The following CYP39A1 variants were observed in gnomAD, a reference collection of about 807,000 sequenced individuals.
The protein encoded by CYP39A1 is cytochrome P450 family 39 subfamily A member 1, also known as 24-hydroxycholesterol 7-alpha-hydroxylase.
Under a neutral mutation model 58.1 loss-of-function variants are expected in CYP39A1, and 49 were observed. That is an observed-to-expected ratio of 0.84 (90% CI 0.67 to 1.07). CYP39A1 has a LOEUF of 1.07. Ranked by LOEUF, CYP39A1 falls within the 50% of genes least tolerant of loss-of-function variation. The pLI, the probability that CYP39A1 is intolerant of heterozygous loss-of-function variation, is 0.00. For synonymous variants in CYP39A1, 209 were observed against 187.6 expected, an observed-to-expected ratio of 1.11 and a Z score of -0.93; for missense variants, 531 against 539.4, an observed-to-expected ratio of 0.98 and a Z score of 0.16.
At position 46,642,179 on chromosome 6, in the gene CYP39A1, A is replaced by G. The variant is rs1776379504; in HGVS notation, c.297T>C (p.Asn99=). ...KKVDFELAVQ[N]IVYRTASIPK... Reference sequence around the variant, plus strand: ...ATTCTTTACCTGTACGATAAACGATATTTTGCACTGCTAGTTCAAAATCTA... The same window carrying G: ...ATTCTTTACCTGTACGATAAACGATGTTTTGCACTGCTAGTTCAAAATCTA... Residue 99 remains asparagine (N), a synonymous_variant, in exon 2 of 12, where the codon AAT becomes AAC. Transcript: ENST00000275016. The G allele has an allele frequency of 6.2e-7, 1 of 1,612,702 alleles. No homozygotes were observed. The highest frequency in any genetic ancestry group is 8.5e-7 in the Non-Finnish European group (1 of 1,179,346).
Position 46,639,409 on chromosome 6 carries a change from C to A in CYP39A1, c.488+85G>T, listed in dbSNP as rs951575090. 13 of 1,280,012 alleles carry A rather than the reference C, an allele frequency of 1.0e-5. No homozygotes were observed. In the Admixed American group the frequency reaches 2.6e-4, roughly 26 times the overall value. The allele number at this position is 1,280,012 out of a possible 1,614,324, so 79.3% of individuals were successfully genotyped here. A position where few individuals can be genotyped will look rare whatever the true frequency, so the allele number is the denominator to read the frequency against. On this transcript the variant is annotated intron_variant, in intron 3 of 11. Coordinates refer to ENST00000275016, the MANE Select transcript of CYP39A1 (RefSeq NM_016593.5). ...AGGTAGATTTCATTAATCAACCTGA[C>A]AATGTTTGAAGTCCAATCTATAGGT...
chr6:46,640,713 C>G (rs1214557702), intron 2 of CYP39A1, among the ~76,000 whole-genome samples: 4 of 151,998 alleles, frequency 2.6e-5, no homozygotes, highest in Non-Finnish European at 5.9e-5. Flanking sequence ...TTAATCCCAT[C>G]ACTCAGGTAA....
chr6:46,597,540 A>G (rs1012459142), intron 7 of CYP39A1, among the ~76,000 whole-genome samples: 4 of 152,152 alleles, frequency 2.6e-5, no homozygotes, highest in South Asian at 2.1e-4. Flanking sequence ...AGTCAACCCC[A>G]GTATATATAT....
At chr6:46,642,416 A>G (rs749834344) in intron 1 of CYP39A1, 118 bp from the exon 2 acceptor site, 22 of 956,986 alleles carry the variant, frequency 2.3e-5, no homozygotes, top group Non-Finnish European at 3.3e-5. Context: ...TTATGATTAT[A>G]TTTGGCAATT....
Position 46,639,485 on chromosome 6 carries a change from T to C in CYP39A1, c.488+9A>G, listed in dbSNP as rs373123827. 3 of 1,612,486 alleles carry C rather than the reference T, an allele frequency of 1.9e-6. No homozygotes were observed. Among genetic ancestry groups the C allele is most frequent in the Non-Finnish European group, 2.5e-6 (3 of 1,179,402 alleles). ...AGCAAGACTAAATCATACTAATGCG[T>C]CTATTTACCTTACTAAGTTGTTCAG... On this transcript the variant is annotated intron_variant, in intron 3 of 11. Coordinates refer to ENST00000275016, the MANE Select transcript of CYP39A1 (RefSeq NM_016593.5).
At chr6:46,560,917 T>C (rs1343479066) in intron 10 of CYP39A1, among the ~76,000 whole-genome samples, 11 of 152,074 alleles carry the variant, frequency 7.2e-5, no homozygotes, top group Admixed American at 5.2e-4. Context: ...TGCAACCCCA[T>C]AAATAAAGTG....
chr6:46,570,572 A>C (rs1309630836), intron 10 of CYP39A1, among the ~76,000 whole-genome samples: 1 of 152,112 alleles, frequency 6.6e-6, no homozygotes, highest in Non-Finnish European at 1.5e-5. Flanking sequence ...GAGACTAGGG[A>C]ATTTATAAAG....
At position 46,652,686 on chromosome 6, in the gene CYP39A1, C is replaced by G; in HGVS notation, c.-104G>C. ...GAACCTGTCGGGACTCCCAACCTTT[C>G]TGCTGCAACTTTTGCAGCTCTCCTT... is the stretch of plus-strand genomic sequence containing the variant. On this transcript the variant is annotated 5_prime_UTR_variant, in exon 1 of 12. Transcript: ENST00000275016. The G allele has an allele frequency of 2.8e-6, 3 of 1,071,698 alleles. No homozygotes were observed. The highest frequency in any genetic ancestry group is 3.9e-6 in the Non-Finnish European group (3 of 765,390). The allele number at this position is 1,071,698 out of a possible 1,614,324, so 66.4% of individuals were successfully genotyped here.
intron 5 of CYP39A1, among the ~76,000 whole-genome samples, chr6:46,635,182 T>C (rs1475754398): frequency 1.3e-5 from 2 of 152,258 alleles, no homozygotes; most frequent in Non-Finnish European, 2.9e-5. Flanking sequence ...ATGCCATCTT[T>C]AAATATAAAA....
At chr6:46,555,551 T>C (rs1048144151) in intron 10 of CYP39A1, among the ~76,000 whole-genome samples, 1 of 152,260 alleles carries the variant, frequency 6.6e-6, no homozygotes, top group Non-Finnish European at 1.5e-5. Context: ...TCTGTATTTC[T>C]GTGGCACTTT....
intron 8 of CYP39A1, among the ~76,000 whole-genome samples, chr6:46,592,064 G>A (rs1368265020): frequency 6.6e-6 from 1 of 152,092 alleles, no homozygotes; most frequent in Non-Finnish European, 1.5e-5. Context: ...CTTGAAAAGA[G>A]AACACAGGTA....
intron 1 of CYP39A1, among the ~76,000 whole-genome samples, chr6:46,650,759 T>C (rs923526790): frequency 1.6e-4 from 25 of 152,040 alleles, no homozygotes; most frequent in Non-Finnish European, 2.8e-4. Flanking sequence ...CAAGCAATCC[T>C]CCCACCCCTG....
Position 46,616,687 on chromosome 6 carries a change from T to A in CYP39A1, c.931+8731A>T, listed in dbSNP as rs192106221. Among the ~76,000 whole-genome samples the A allele has an allele frequency of 1.4e-3, 209 of 152,260 alleles. 1 individual carries two copies. The highest frequency in any genetic ancestry group is 4.9e-3 in the African/African-American group (204 of 41,564). ...AGTTCCTAAAGCAGTCCCTGTCATA[T>A]AACGGGAGTGCAACAAATATTTGCT... On this transcript the variant is annotated intron_variant, in intron 7 of 11. Coordinates refer to ENST00000275016, the MANE Select transcript of CYP39A1 (RefSeq NM_016593.5).
chr6:46,564,031 G>C (rs1371925337), intron 10 of CYP39A1, among the ~76,000 whole-genome samples: 1 of 152,110 alleles, frequency 6.6e-6, no homozygotes, highest in South Asian at 2.1e-4. Flanking sequence ...CAGTCAGGGA[G>C]AAGGGTTAGG....
At chr6:46,636,090 T>C (rs766964193) in intron 5 of CYP39A1, among the ~76,000 whole-genome samples, 6 of 152,214 alleles carry the variant, frequency 3.9e-5, no homozygotes, top group Non-Finnish European at 8.8e-5. Context: ...TTGCCATTAG[T>C]TTCACCTGTC....
rs1775930695 is a variant in CYP39A1 at position 46,635,528 on chromosome 6, T to C, written c.732+861A>G. Among the ~76,000 whole-genome samples, 2 of 152,290 alleles carry C rather than the reference T, an allele frequency of 1.3e-5. 1 individual carries two copies. Among genetic ancestry groups the C allele is most frequent in the Non-Finnish European group, 2.9e-5 (2 of 68,024 alleles). Reference sequence around the variant, plus strand: ...AAAGGTAAGGCTTGTTAAAGCAGATTGTCTACCTCAGAGGTGTTTGTTTGT... The same window carrying C: ...AAAGGTAAGGCTTGTTAAAGCAGATCGTCTACCTCAGAGGTGTTTGTTTGT... On this transcript the variant is annotated intron_variant, in intron 5 of 11. Coordinates refer to ENST00000275016, the MANE Select transcript of CYP39A1 (RefSeq NM_016593.5).
intron 7 of CYP39A1, among the ~76,000 whole-genome samples, chr6:46,613,287 G>A (rs1353921947): frequency 6.6e-6 from 1 of 152,184 alleles, no homozygotes; most frequent in South Asian, 2.1e-4. Flanking sequence ...AGTCAGGATT[G>A]CTGCTAAATC....
intron 8 of CYP39A1, among the ~76,000 whole-genome samples, chr6:46,590,769 A>G (rs1772783305): frequency 1.3e-5 from 2 of 152,168 alleles, no homozygotes; most frequent in Non-Finnish European, 2.9e-5. Context: ...AACTTTAAAC[A>G]TAGTTTTGAT....
intron 7 of CYP39A1, among the ~76,000 whole-genome samples, chr6:46,605,004 TAA>T (rs768355971): frequency 1.7e-4 from 23 of 138,002 alleles, no homozygotes; most frequent in Admixed American, 1.4e-4. Flanking sequence ...CTGATGAGCT[TAA>T]AAAAAAAAAA....
Sources: gnomAD v4.1 joint callset for allele counts (sites outside exome capture counted in the v4.1 genomes callset) on GRCh38, gnomAD v4.1.1 for gene constraint, MANE v1.5 for transcripts, NCBI Gene and HGNC (gene_info 2026-07-23, HGNC 2026-07-21) for gene names.